Variants in CYSLTR1 observed in about 807,000 individuals in gnomAD.
The protein encoded by CYSLTR1 is G-protein coupled receptor HG55.
CYSLTR1 carries 1 observed loss-of-function variant against 2.1 expected under a neutral mutation model. That is an observed-to-expected ratio of 0.48 (90% CI 0.17 to 2.28). The LOEUF is 2.28. Ranked by LOEUF, CYSLTR1 falls within the 30% of genes most tolerant of loss-of-function variation. The pLI, the probability that CYSLTR1 is intolerant of heterozygous loss-of-function variation, is 0.26. For synonymous variants in CYSLTR1, 110 were observed against 89.6 expected (o/e 1.23, Z -1.28); for missense variants, 299 against 250.1 (o/e 1.20, Z -1.32).
chrX:78,275,998 C>G (rs1352753993), intron 2 of CYSLTR1, among the ~76,000 whole-genome samples: 1 of 111,971 alleles, frequency 8.9e-6, no homozygotes, highest in Admixed American at 9.4e-5. Flanking sequence ...AAAATCTGCA[C>G]CATTATTTAA....
intron 1 of CYSLTR1, among the ~76,000 whole-genome samples, chrX:78,306,166 G>T (rs745388313): frequency 9.0e-6 from 1 of 111,432 alleles, no homozygotes; most frequent in Non-Finnish European, 1.9e-5. Context: ...GTCGTTGAGG[G>T]TTTTTCTTTT....
In CYSLTR1 at chrX:78,273,763, C is replaced by A. The variant is rs1470822211; in HGVS notation, c.-17G>T. On this transcript the variant is annotated 5_prime_UTR_variant, in exon 3 of 3. Transcript: ENST00000373304. Reference sequence around the variant, plus strand: ...TTCATCCATGTTTCTCTACGAATGTCTGCTTTGTGCCTATAATAAATAAAA... The same window carrying A: ...TTCATCCATGTTTCTCTACGAATGTATGCTTTGTGCCTATAATAAATAAAA... 8.6e-7 allele frequency: 1 copy of A among 1,167,286 alleles called. No individual in the cohort carries two copies. Among genetic ancestry groups the A allele is most frequent in the Admixed American group, 2.6e-5 (1 of 38,507 alleles).
chrX:78,271,834 A>G lies in CYSLTR1; in HGVS notation c.*899T>C, dbSNP rs1272415832. The stretch of plus-strand genomic sequence containing the variant: ...TGAACATTCACAATTTTCTTCATAA[A>G]TCCTTTGTAGTTTATTTTGATCCCA... On this transcript the variant is annotated 3_prime_UTR_variant, in exon 3 of 3. Coordinates refer to ENST00000373304, the MANE Select transcript of CYSLTR1 (RefSeq NM_006639.4). 1 of 112,549 alleles carries G rather than the reference A, an allele frequency of 8.9e-6. No homozygotes were observed. Among genetic ancestry groups the G allele is most frequent in the East Asian group, 2.8e-4 (1 of 3,627 alleles). 9.3% of individuals were successfully genotyped at this position (112,549 alleles called of 1,213,427 possible).
rs1321976377 is a variant in CYSLTR1 at position 78,271,951 on chromosome X, T to G, written c.*782A>C. The stretch of plus-strand genomic sequence containing the variant: ...TCTATTTATATATAGGAGTGCCAGT[T>G]GTCTGGCTTCTTAAGGAAGAATTAT... On this transcript the variant is annotated 3_prime_UTR_variant, in exon 3 of 3. Transcript: ENST00000373304. 8.9e-6 allele frequency: 1 copy of G among 111,832 alleles called. No homozygotes were observed. Among genetic ancestry groups the G allele is most frequent in the African/African-American group, 3.2e-5 (1 of 30,835 alleles). 9.2% of individuals were successfully genotyped at this position (111,832 alleles called of 1,213,427 possible).
At chrX:78,290,079 G>A (rs1307779706) in intron 1 of CYSLTR1, among the ~76,000 whole-genome samples, 9 of 111,516 alleles carry the variant, frequency 8.1e-5, no homozygotes, top group Admixed American at 6.6e-4. Context: ...TTTCTTCTAG[G>A]GTTTTTATGG....
At chrX:78,280,994 A>G (rs1921816375) in intron 2 of CYSLTR1, among the ~76,000 whole-genome samples, 2 of 112,121 alleles carry the variant, frequency 1.8e-5, no homozygotes, top group Non-Finnish European at 3.8e-5. Context: ...ATTCAGGGAC[A>G]TTTAGGTTGA....
chrX:78,287,033 A>C (rs1470637472), intron 1 of CYSLTR1, among the ~76,000 whole-genome samples: 1 of 111,578 alleles, frequency 9.0e-6, no homozygotes, highest in East Asian at 2.8e-4. Flanking sequence ...ATTGTGTATG[A>C]CAGTTCTTTA....
intron 1 of CYSLTR1, among the ~76,000 whole-genome samples, chrX:78,306,733 C>T (rs989427142): frequency 9.0e-6 from 1 of 111,234 alleles, no homozygotes; most frequent in South Asian, 3.8e-4. Flanking sequence ...GATACTGTTT[C>T]CTCATCTGTA....
intron 1 of CYSLTR1, among the ~76,000 whole-genome samples, chrX:78,314,948 C>A (rs759319650): frequency 6.9e-4 from 74 of 107,624 alleles, no homozygotes; most frequent in Admixed American, 9.1e-4. Flanking sequence ...GCCAAGAGAG[C>A]GCTTATATCA....
chrX:78,283,508 C>T lies in CYSLTR1; in HGVS notation c.-82G>A, dbSNP rs1331503470. 8.9e-6 allele frequency: 1 copy of T among 112,129 alleles called. No homozygotes were observed. Among genetic ancestry groups the T allele is most frequent in the Non-Finnish European group, 1.9e-5 (1 of 53,234 alleles). The allele number at this position is 112,129 out of a possible 1,213,427, so 9.2% of individuals were successfully genotyped here. A position where few individuals can be genotyped will look rare whatever the true frequency, so the allele number is the denominator to read the frequency against. ...ATGTTCCTTCTTATGGTGATCAATG[C>T]CTTTTACGGTGTAATATTAGAGGAA... On this transcript the variant is annotated 5_prime_UTR_variant, in exon 2 of 3. Coordinates refer to ENST00000373304, the MANE Select transcript of CYSLTR1 (RefSeq NM_006639.4).
chrX:78,325,106 G>C (rs1395930470), intron 1 of CYSLTR1, among the ~76,000 whole-genome samples: 3 of 112,018 alleles, frequency 2.7e-5, no homozygotes, highest in African/African-American at 9.7e-5. Context: ...AACAACAAAA[G>C]GTGGATAGTG....
chrX:78,273,889 G>A (rs1442223090), intron 2 of CYSLTR1, 116 bp from the exon 3 acceptor site: 2 of 598,021 alleles, frequency 3.3e-6, no homozygotes, highest in Admixed American at 4.0e-5. Flanking sequence ...GCAAGCAAGA[G>A]TAGTGAGGCA....
intron 1 of CYSLTR1, among the ~76,000 whole-genome samples, chrX:78,324,342 T>C (rs771970349): frequency 1.8e-5 from 2 of 112,512 alleles, no homozygotes; most frequent in Admixed American, 9.3e-5. Context: ...TATGAGTCTA[T>C]CAGACTTCTT....
intron 1 of CYSLTR1, among the ~76,000 whole-genome samples, chrX:78,303,085 A>G (rs1922886247): frequency 9.0e-6 from 1 of 111,729 alleles, no homozygotes; most frequent in Non-Finnish European, 1.9e-5. Context: ...GACTTGTGGG[A>G]ACTCAAGTTC....
intron 2 of CYSLTR1, among the ~76,000 whole-genome samples, chrX:78,281,561 C>A (rs751182132): frequency 9.0e-6 from 1 of 111,514 alleles, no homozygotes; most frequent in African/African-American, 3.3e-5. Flanking sequence ...GTGTGAGCCA[C>A]CATGCCTGGC....
rs888214976 is a variant in CYSLTR1, at chrX:78,283,547, T to C, written c.-114-7A>G. The C allele has an allele frequency of 8.9e-6, 1 of 112,010 alleles. No individual in the cohort carries two copies. Among genetic ancestry groups the C allele is most frequent in the African/African-American group, 3.2e-5 (1 of 30,873 alleles). 9.2% of individuals were successfully genotyped at this position (112,010 alleles called of 1,213,427 possible). On this transcript the variant is annotated splice_region_variant and splice_polypyrimidine_tract_variant and intron_variant, in intron 1 of 2. Coordinates refer to ENST00000373304, the MANE Select transcript of CYSLTR1 (RefSeq NM_006639.4). ...ATATTAGAGGAAGCCCACGCTGAAA[T>C]CATAAGATTGAAAAGGCAGTTAACA...
intron 1 of CYSLTR1, among the ~76,000 whole-genome samples, chrX:78,298,312 ATAATC>A (rs1922663970): frequency 8.9e-6 from 1 of 111,865 alleles, no homozygotes; most frequent in South Asian, 3.7e-4. Flanking sequence ...ATCCTTGAGA[ATAATC>A]TAAGTACTGA....
chrX:78,292,986 TA>T (rs968770274), intron 1 of CYSLTR1, among the ~76,000 whole-genome samples: 3 of 111,342 alleles, frequency 2.7e-5, no homozygotes, highest in African/African-American at 9.8e-5. Flanking sequence ...CATTTAAGGT[TA>T]ATATTGTTAT....
rs758713318 is a variant in CYSLTR1, at chrX:78,272,813, G to C, written c.934C>G (p.His312Asp). The C allele has an allele frequency of 3.3e-6, 4 of 1,208,917 alleles. No individual in the cohort carries two copies. The highest frequency in any genetic ancestry group is 4.5e-6 in the Non-Finnish European group (4 of 894,881). Residue 312 changes from histidine (H) to aspartate (D), a missense_variant, in exon 3 of 3, where the codon CAT (histidine) becomes GAT (aspartate). His to Asp is a moderately conservative substitution (Grantham distance 81). Coordinates refer to ENST00000373304, the MANE Select transcript of CYSLTR1 (RefSeq NM_006639.4). The stretch of plus-strand genomic sequence containing the variant: ...ACATAAGTCACGCTGGACAAAGAAT[G>C]CTTTCTGAATGTAGACAGCCTTTTC... ...FRKRLSTFRK[H>D]SLSSVTYVPR...
Sources: gnomAD v4.1 joint callset for allele counts (sites outside exome capture counted in the v4.1 genomes callset) on GRCh38, gnomAD v4.1.1 for gene constraint, MANE v1.5 for transcripts, NCBI Gene and HGNC (gene_info 2026-07-23, HGNC 2026-07-21) for gene names.